The following IL4 variants were observed in gnomAD, a reference collection of about 807,000 sequenced individuals.
IL4 encodes interleukin-4.
IL4 carries 10 observed loss-of-function variants against 17.4 expected under a neutral mutation model. The observed-to-expected ratio is 0.57, with a 90% CI of 0.35 to 0.97. The LOEUF (loss-of-function observed/expected upper bound fraction) is 0.97. Ranked by LOEUF, IL4 falls within the 50% of genes least tolerant of loss-of-function variation. The pLI, the probability that IL4 is intolerant of heterozygous loss-of-function variation, is 0.01. For missense variants in IL4, 174 were observed against 187.7 expected, an observed-to-expected ratio of 0.93 and a Z score of 0.43; for synonymous variants, 87 against 79.0, an observed-to-expected ratio of 1.10 and a Z score of -0.54.
intron 2 of IL4, among the ~76,000 whole-genome samples, chr5:132,676,650 T>C (rs1191685950): frequency 6.6e-6 from 1 of 152,196 alleles, no homozygotes; most frequent in African/African-American, 2.4e-5. Flanking sequence ...CTCTTCACTC[T>C]TTTCTTCCCC....
chr5:132,679,779 TGAG>T lies in IL4; in HGVS notation c.250_252del (p.Glu84del). The T allele has an allele frequency of 6.2e-7, 1 of 1,614,096 alleles. No homozygotes were observed. Among genetic ancestry groups the T allele is most frequent in the South Asian group, 1.1e-5 (1 of 91,082 alleles). On this transcript the variant is annotated inframe_deletion, in exon 3 of 4. Coordinates refer to ENST00000231449, the MANE Select transcript of IL4 (RefSeq NM_000589.4). Reference sequence around the variant, plus strand: ...TGCTCCGGCAGTTCTACAGCCACCATGAGAAGGACACTCGCTGCCTGGGTGCGA... The same window carrying T: ...TGCTCCGGCAGTTCTACAGCCACCATAAGGACACTCGCTGCCTGGGTGCGA...
intron 2 of IL4, among the ~76,000 whole-genome samples, chr5:132,677,385 C>T (rs1425900120): frequency 3.3e-5 from 5 of 152,226 alleles, no homozygotes; most frequent in Admixed American, 3.3e-4. Flanking sequence ...CCCTGAGCCA[C>T]TGGCAGACAC....
chr5:132,681,654 G>C (rs1752490361), intron 3 of IL4, among the ~76,000 whole-genome samples: 1 of 152,184 alleles, frequency 6.6e-6, no homozygotes, highest in Non-Finnish European at 1.5e-5. Flanking sequence ...AGTGGAGCAG[G>C]AAGAACTGAA....
intron 2 of IL4, among the ~76,000 whole-genome samples, chr5:132,678,256 G>A (rs1561677255): frequency 1.3e-5 from 2 of 152,224 alleles, no homozygotes; most frequent in African/African-American, 4.8e-5. Context: ...GCGTTTCTAC[G>A]CAGCTCTCAA....
intron 3 of IL4, 31 bp from the exon 4 acceptor site, chr5:132,682,455 A>C: frequency 7.8e-7 from 1 of 1,275,770 alleles, no homozygotes; most frequent in Non-Finnish European, 1.1e-6. Context: ...AATGCTTACC[A>C]ATGCAAGCTA....
chr5:132,674,363 C>T (rs1752339414), intron 1 of IL4, 96 bp from the exon 2 acceptor site: 2 of 1,409,232 alleles, frequency 1.4e-6, no homozygotes, highest in East Asian at 4.6e-5. Context: ...AGGAAGTTTC[C>T]TCAGTTGGAG....
Position 132,682,591 on chromosome 5 carries a change from TTTTAA to T in IL4, c.*9_*13del. 1.3e-6 allele frequency: 2 copies of T among 1,495,878 alleles called. No homozygotes were observed. Among genetic ancestry groups the T allele is most frequent in the Non-Finnish European group, 1.8e-6 (2 of 1,082,160 alleles). The allele number at this position is 1,495,878 out of a possible 1,614,324, so 92.7% of individuals were successfully genotyped here. On this transcript the variant is annotated 3_prime_UTR_variant, in exon 4 of 4. Coordinates refer to ENST00000231449, the MANE Select transcript of IL4 (RefSeq NM_000589.4). ...ATATTCAAAGTGTTCGAGCTGAATA[TTTTAA>T]TTTATGAGTTTTTGATAGCTTTATT...
In IL4 at chr5:132,674,015, T is replaced by C. The variant is rs775372155; in HGVS notation, c.-36T>C. ...TCGTTAGCTTCTCCTGATAAACTAA[T>C]TGCCTCACATTGTCACTGCAAATCG... On this transcript the variant is annotated 5_prime_UTR_variant, in exon 1 of 4. Transcript: ENST00000231449. 1.2e-6 allele frequency: 2 copies of C among 1,604,338 alleles called. No individual in the cohort carries two copies. Among genetic ancestry groups the C allele is most frequent in the Non-Finnish European group, 1.7e-6 (2 of 1,171,532 alleles).
chr5:132,682,551 G>T lies in IL4; in HGVS notation c.426G>T (p.Thr142=). 1 of 1,608,918 alleles carries T rather than the reference G, an allele frequency of 6.2e-7. No homozygotes were observed. The highest frequency in any genetic ancestry group is 1.1e-5 in the South Asian group (1 of 90,706). ...TLENFLERLK[T]IMREKYSKCS... The stretch of plus-strand genomic sequence containing the variant: ...AAAACTTCTTGGAAAGGCTAAAGAC[G>T]ATCATGAGAGAGAAATATTCAAAGT... Residue 142 remains threonine (T), a synonymous_variant, in exon 4 of 4, where the codon ACG becomes ACT. Coordinates refer to ENST00000231449, the MANE Select transcript of IL4 (RefSeq NM_000589.4).
intron 2 of IL4, among the ~76,000 whole-genome samples, chr5:132,675,795 C>T (rs1752364875): frequency 6.6e-6 from 1 of 151,996 alleles, no homozygotes; most frequent in East Asian, 1.9e-4. Context: ...AGCAATCCGT[C>T]CACCTCGGCC....
At chr5:132,681,911 C>T (rs1282189649) in intron 3 of IL4, among the ~76,000 whole-genome samples, 1 of 152,132 alleles carries the variant, frequency 6.6e-6, no homozygotes, top group Non-Finnish European at 1.5e-5. Context: ...ACAATTGTCC[C>T]AACTTTACAA....
intron 2 of IL4, among the ~76,000 whole-genome samples, chr5:132,675,006 GTTCCGGGGCTGGCCGTCCAGAGC>G (rs1326016544): frequency 2.0e-5 from 3 of 152,182 alleles, no homozygotes; most frequent in African/African-American, 4.8e-5. Context: ...AGCCCTCTGG[GTTCCGGGGCTGGCCGTCCAGAGC>G]TCCTCAGCTT....
At chr5:132,675,923 A>ATG (rs1561676315) in intron 2 of IL4, among the ~76,000 whole-genome samples, 3 of 65,716 alleles carry the variant, frequency 4.6e-5, no homozygotes, top group African/African-American at 2.7e-4. Flanking sequence ...ATATATGTGT[A>ATG]TGTATATGTG....
At chr5:132,674,595 C>A (rs188352871) in intron 2 of IL4, 89 bp downstream of exon 2, 1 of 1,067,792 alleles carries the variant, frequency 9.4e-7, no homozygotes, top group Non-Finnish European at 1.4e-6. Flanking sequence ...GGAAAACGAG[C>A]GGGCCCAAAT....
Position 132,680,019 on chromosome 5 carries a change from G to C in IL4, c.360+129G>C. The C allele has an allele frequency of 1.2e-6, 1 of 800,854 alleles. No homozygotes were observed. The highest frequency in any genetic ancestry group is 1.9e-5 in the South Asian group (1 of 52,570). The allele number at this position is 800,854 out of a possible 1,614,324, so 49.6% of individuals were successfully genotyped here. A position where few individuals can be genotyped will look rare whatever the true frequency, so the allele number is the denominator to read the frequency against. On this transcript the variant is annotated intron_variant, in intron 3 of 3. Coordinates refer to ENST00000231449, the MANE Select transcript of IL4 (RefSeq NM_000589.4). This position sits in a 1 kb window ranked among gnomAD's most constrained non-coding sequence, Gnocchi z 4.3. Reference sequence around the variant, plus strand: ...ATTCATTCATTCACTCATTCAATAAGTATTTGCTGAAGTTCCACAAGTGCT... The same window carrying C: ...ATTCATTCATTCACTCATTCAATAACTATTTGCTGAAGTTCCACAAGTGCT...
intron 1 of IL4, 22 bp downstream of exon 1, chr5:132,674,207 T>C (rs758280154): frequency 1.5e-5 from 24 of 1,611,956 alleles, no homozygotes; most frequent in Non-Finnish European, 2.0e-5. Context: ...TCTGGCACCA[T>C]CTCTCCAGAT....
At chr5:132,677,114 G>T (rs2243261) in intron 2 of IL4, among the ~76,000 whole-genome samples, 6,310 of 152,194 alleles carry the variant, frequency 0.041, 433 homozygotes, top group African/African-American at 0.14. Context: ...TCTGTTTTTT[G>T]AAGGAGTTTC....
At position 132,681,890 on chromosome 5, in the gene IL4, C is replaced by A. The variant is rs551676952; in HGVS notation, c.361-596C>A. 8.5e-5 allele frequency among the ~76,000 whole-genome samples: 13 copies of A among 152,254 alleles called. No homozygotes were observed. The South Asian group carries it at 2.5e-3, about 29-fold the overall frequency. ...TCTCTCCATTATCTTATGAAGCAGG[C>A]AAGTAGGCAAACAATTGTCCCAACT... On this transcript the variant is annotated intron_variant, in intron 3 of 3. Coordinates refer to ENST00000231449, the MANE Select transcript of IL4 (RefSeq NM_000589.4).
At position 132,674,441 on chromosome 5, in the gene IL4, A is replaced by T. The variant is rs746567609; in HGVS notation, c.136-18A>T. 41 of 1,613,598 alleles carry T rather than the reference A, an allele frequency of 2.5e-5. No homozygotes were observed. The South Asian group carries it at 4.4e-4, about 17-fold the overall frequency. On this transcript the variant is annotated intron_variant, in intron 1 of 3. Coordinates refer to ENST00000231449, the MANE Select transcript of IL4 (RefSeq NM_000589.4). ...GGTTAACTCTGTCTCTTGCTCTCTC[A>T]TTTCTGCCTGGACCAAGACTCTGTG...
Sources: allele counts gnomAD v4.1 joint callset (sites outside exome capture counted in the v4.1 genomes callset), GRCh38; gene constraint gnomAD v4.1.1; non-coding constraint Gnocchi (gnomAD v3.1); transcripts MANE v1.5; gene names NCBI Gene and HGNC (gene_info 2026-07-23, HGNC 2026-07-21).